The following KALRN variants were observed in gnomAD, a reference collection of about 807,000 sequenced individuals.
KALRN encodes the protein kalirin.
A neutral mutation model predicts 353.7 loss-of-function variants in KALRN; 70 were observed. The ratio of observed to expected loss-of-function variants is 0.20; its 90% CI spans 0.16 to 0.24. The LOEUF is 0.24. Among genes scored for constraint, KALRN ranks in the 10% least tolerant of loss-of-function variants. KALRN has a pLI of 1.00. For missense variants in KALRN, 2,791 were observed against 3,756.7 expected, an observed-to-expected ratio of 0.74 and a Z score of 6.72; for synonymous variants, 1,391 against 1,434.8, an observed-to-expected ratio of 0.97 and a Z score of 0.69.
intron 7 of KALRN, among the ~76,000 whole-genome samples, chr3:124,327,036 T>C (rs2079987476): frequency 1.3e-5 from 2 of 152,216 alleles, no homozygotes; most frequent in African/African-American, 4.8e-5. Flanking sequence ...AACTCCATGT[T>C]GGTGATGTCA....
Position 124,334,225 on chromosome 3 carries a change from C to A in KALRN, c.1417-40C>A. 1 of 1,545,688 alleles carries A rather than the reference C, an allele frequency of 6.5e-7. No homozygotes were observed. Among genetic ancestry groups the A allele is most frequent in the Non-Finnish European group, 8.9e-7 (1 of 1,117,870 alleles). ...CTGCTTCTCTCTGTGCCCTGCCTAT[C>A]ACCCTTTTCCCTTAACTTAAACTTC... On this transcript the variant is annotated intron_variant, in intron 8 of 59. Coordinates refer to ENST00000682506, the MANE Select transcript of KALRN (RefSeq NM_001388419.1). This position sits in a 1 kb window ranked among gnomAD's most constrained non-coding sequence, Gnocchi z 4.2.
intron 21 of KALRN, among the ~76,000 whole-genome samples, chr3:124,448,271 G>A (rs745692067): frequency 9.9e-5 from 15 of 151,762 alleles, no homozygotes; most frequent in Non-Finnish European, 2.2e-4. Context: ...TTCCTAATTT[G>A]ATTGCATGCC....
chr3:124,212,075 A>G (rs1188457735), intron 1 of KALRN, among the ~76,000 whole-genome samples: 1 of 152,208 alleles, frequency 6.6e-6, no homozygotes, highest in East Asian at 1.9e-4. Flanking sequence ...GCGGCAGAGG[A>G]TTATAAAAAT....
chr3:124,364,101 C>A (rs1182121386), intron 10 of KALRN, among the ~76,000 whole-genome samples: 1 of 152,188 alleles, frequency 6.6e-6, no homozygotes, highest in Non-Finnish European at 1.5e-5. Flanking sequence ...CTAGGTAGAT[C>A]CTGCCTCCAA....
intron 37 of KALRN, among the ~76,000 whole-genome samples, chr3:124,638,265 G>T (rs2081591468): frequency 6.6e-6 from 1 of 151,362 alleles, no homozygotes; most frequent in Non-Finnish European, 1.5e-5. Flanking sequence ...AGATATCCCA[G>T]CATATACTAT....
At chr3:124,303,356 T>TG (rs1426084425) in intron 6 of KALRN, among the ~76,000 whole-genome samples, 1 of 152,216 alleles carries the variant, frequency 6.6e-6, no homozygotes, top group African/African-American at 2.4e-5. Flanking sequence ...TGTTGCTTCT[T>TG]ACAGTGCCTC....
At chr3:124,255,968 G>A (rs1223537258) in intron 3 of KALRN, among the ~76,000 whole-genome samples, 1 of 152,206 alleles carries the variant, frequency 6.6e-6, no homozygotes, top group Non-Finnish European at 1.5e-5. Context: ...GGAGGAGATT[G>A]CTCTGACAGA....
chr3:124,666,741 C>A, intron 46 of KALRN, 107 bp downstream of exon 46: 1 of 913,128 alleles, frequency 1.1e-6, no homozygotes, highest in Non-Finnish European at 1.7e-6. Flanking sequence ...CCGTGAAGAT[C>A]TTTCAGCCGA....
intron 10 of KALRN, among the ~76,000 whole-genome samples, chr3:124,368,921 G>A (rs629072): frequency 0.58 from 88,040 of 151,884 alleles, 25,926 homozygotes; most frequent in East Asian, 0.89. Context: ...GTGGTGGCGC[G>A]TGCCTGCAAT....
chr3:124,387,419 T>A (rs956968265), intron 11 of KALRN, among the ~76,000 whole-genome samples: 1 of 152,250 alleles, frequency 6.6e-6, no homozygotes, highest in Non-Finnish European at 1.5e-5. Flanking sequence ...ATAGCCATGA[T>A]AATTCTCGTT....
At chr3:124,398,938 C>T in intron 13 of KALRN, 67 bp downstream of exon 13, 1 of 1,502,742 alleles carries the variant, frequency 6.7e-7, no homozygotes, top group Non-Finnish European at 9.0e-7. Flanking sequence ...GGGCACTGCC[C>T]CAGGGGCAGG....
At chr3:124,622,864 T>C (rs940037473) in intron 34 of KALRN, among the ~76,000 whole-genome samples, 1 of 152,192 alleles carries the variant, frequency 6.6e-6, no homozygotes, top group African/African-American at 2.4e-5. Flanking sequence ...TGATGACTTG[T>C]GTACAGTGTG....
chr3:124,608,556 T>C (rs1382116195), intron 34 of KALRN, among the ~76,000 whole-genome samples: 8 of 152,100 alleles, frequency 5.3e-5, no homozygotes, highest in Non-Finnish European at 1.0e-4. Context: ...CTCCTGATAG[T>C]CTGTGGACCG....
intron 3 of KALRN, among the ~76,000 whole-genome samples, chr3:124,244,743 C>A (rs2080908526): frequency 6.6e-6 from 1 of 152,092 alleles, no homozygotes; most frequent in African/African-American, 2.4e-5. Context: ...GTAAGTAACC[C>A]TCAGTAAAAA....
At chr3:124,339,960 C>T (rs558354843) in intron 9 of KALRN, among the ~76,000 whole-genome samples, 73 of 152,188 alleles carry the variant, frequency 4.8e-4, no homozygotes, top group Non-Finnish European at 8.4e-4. Flanking sequence ...GGTTGCAAAA[C>T]GTCTCCATTT....
Position 124,299,808 on chromosome 3 carries a change from A to G in KALRN, c.1092+895A>G, listed in dbSNP as rs143160558. On this transcript the variant is annotated intron_variant, in intron 6 of 59. Transcript: ENST00000682506. ...ACCACTCTTATCCCTCATAAACCTA[A>G]CACTTCGGGATATATTTTTGTTTTC... Among the ~76,000 whole-genome samples the G allele has an allele frequency of 4.3e-3, 658 of 152,274 alleles. 4 individuals carry two copies. Among genetic ancestry groups the G allele is most frequent in the African/African-American group, 0.015 (635 of 41,564 alleles).
At chr3:124,558,443 A>T (rs536160505) in intron 33 of KALRN, among the ~76,000 whole-genome samples, 98 of 152,142 alleles carry the variant, frequency 6.4e-4, no homozygotes, top group South Asian at 5.8e-3. Context: ...ACACCTGGCT[A>T]ATTTTTTGTA....
intron 1 of KALRN, among the ~76,000 whole-genome samples, chr3:124,037,912 A>G (rs1413882954): frequency 1.3e-5 from 2 of 152,102 alleles, no homozygotes; most frequent in Admixed American, 1.3e-4. Flanking sequence ...AGCTTTGGAC[A>G]TGAAGCATGG....
Position 124,082,181 on chromosome 3 carries a change from C to A in KALRN, c.73+48368C>A, listed in dbSNP as rs150602696. 2.2e-5 allele frequency: 10 copies of A among 453,430 alleles called. No homozygotes were observed. The East Asian group carries it at 4.9e-4, about 22-fold the overall frequency. 28.1% of individuals were successfully genotyped at this position (453,430 alleles called of 1,614,324 possible). On this transcript the variant is annotated intron_variant, in intron 1 of 59. Transcript: ENST00000682506. Reference sequence around the variant, plus strand: ...TTCCCGGGCTGGGGTTTGGCAGCACCATTGCCCTTCTGTAGGTAGCCAGGC... The same window carrying A: ...TTCCCGGGCTGGGGTTTGGCAGCACAATTGCCCTTCTGTAGGTAGCCAGGC...
Sources: allele counts gnomAD v4.1 joint callset (sites outside exome capture counted in the v4.1 genomes callset), GRCh38; gene constraint gnomAD v4.1.1; non-coding constraint Gnocchi (gnomAD v3.1); transcripts MANE v1.5; gene names NCBI Gene and HGNC (gene_info 2026-07-23, HGNC 2026-07-21).